The following ZNF384 variants were observed in gnomAD, a reference collection of about 807,000 sequenced individuals.
ZNF384 encodes CAG repeat protein 1.
A neutral mutation model predicts 65.0 loss-of-function variants in ZNF384; 20 were observed. That is an observed-to-expected ratio of 0.31 (90% CI 0.22 to 0.45). The LOEUF (loss-of-function observed/expected upper bound fraction) is 0.45, where lower values mean the gene tolerates loss of function less well. Ranked by LOEUF, ZNF384 falls within the 20% of genes least tolerant of loss-of-function variation. The pLI is 1.00. For synonymous variants in ZNF384, 310 were observed against 303.9 expected, an observed-to-expected ratio of 1.02 and a Z score of -0.21; for missense variants, 549 against 769.4, an observed-to-expected ratio of 0.71 and a Z score of 3.39.
In ZNF384 at chr12:6,667,234, G is replaced by A. The variant is rs1277544395; in HGVS notation, c.*480C>T. 1.0e-5 allele frequency: 3 copies of A among 301,044 alleles called. No individual in the cohort carries two copies. Among genetic ancestry groups the A allele is most frequent in the Non-Finnish European group, 1.9e-5 (3 of 157,718 alleles). 18.6% of individuals were successfully genotyped at this position (301,044 alleles called of 1,614,324 possible). On this transcript the variant is annotated 3_prime_UTR_variant, in exon 12 of 12. Transcript: ENST00000683879. Reference sequence around the variant, plus strand: ...GGGGAAGAAATGGCTCTCAGGGACTGAGGCATTTGAGAAACCTCTGTTCTT... The same window carrying A: ...GGGGAAGAAATGGCTCTCAGGGACTAAGGCATTTGAGAAACCTCTGTTCTT...
intron 11 of ZNF384, among the ~76,000 whole-genome samples, chr12:6,668,713 G>GAAA (rs1201085098): frequency 1.2e-4 from 9 of 73,364 alleles, no homozygotes; most frequent in East Asian, 7.3e-4. Flanking sequence ...GTCTCAAAAA[G>GAAA]AAAAAAAAAA....
Position 6,673,019 on chromosome 12 carries a change from G to C in ZNF384, c.1004+197C>G. 1.7e-6 allele frequency: 1 copy of C among 598,152 alleles called. No individual in the cohort carries two copies. Among genetic ancestry groups the C allele is most frequent in the Middle Eastern group, 4.6e-4 (1 of 2,170 alleles). 37.1% of individuals were successfully genotyped at this position (598,152 alleles called of 1,614,324 possible). On this transcript the variant is annotated intron_variant, in intron 8 of 11. Transcript: ENST00000683879. This position sits in a 1 kb window ranked among gnomAD's most constrained non-coding sequence, Gnocchi z 4.7. ...ACCACAAAAATTGTTCCAGACTTTG[G>C]AATTGGAGACCACAATTTTCAAGGC... is the stretch of plus-strand genomic sequence containing the variant.
chr12:6,679,573 A>G, intron 2 of ZNF384, 48 bp from the exon 3 acceptor site: 1 of 1,489,136 alleles, frequency 6.7e-7, no homozygotes, highest in Non-Finnish European at 9.3e-7. Context: ...TTACTCAGAA[A>G]AAGCTAAGCA....
intron 2 of ZNF384, 81 bp from the exon 3 acceptor site, chr12:6,679,606 T>G: frequency 2.7e-6 from 3 of 1,115,806 alleles, no homozygotes; most frequent in Non-Finnish European, 2.7e-6. Flanking sequence ...AACTGAAGAG[T>G]TCCTGGTCTC....
rs1429837549 is a variant in ZNF384, at chr12:6,667,825, T to TG, written c.1715dup (p.Pro573ThrfsTer6). On this transcript the variant is annotated frameshift_variant, in exon 12 of 12. Coordinates refer to ENST00000683879, the MANE Select transcript of ZNF384 (RefSeq NM_001385745.1). LOFTEE classifies it high-confidence loss of function. The stretch of plus-strand genomic sequence containing the variant: ...GGGTCAGGTCAAAGGAACACTGGGG[T>TG]GGAGGGTTGGGATTGCTGTCCCCAC... 6.2e-7 allele frequency: 1 copy of TG among 1,613,718 alleles called. No homozygotes were observed. The highest frequency in any genetic ancestry group is 1.3e-5 in the African/African-American group (1 of 74,812).
chr12:6,687,268 T>C (rs1958259297), intron 2 of ZNF384, among the ~76,000 whole-genome samples: 1 of 152,148 alleles, frequency 6.6e-6, no homozygotes, highest in Non-Finnish European at 1.5e-5. Flanking sequence ...ACCACACAGC[T>C]GGCAACCTGG....
intron 3 of ZNF384, 115 bp downstream of exon 3, chr12:6,679,340 G>A (rs1954979804): frequency 8.0e-7 from 1 of 1,242,756 alleles, no homozygotes; most frequent in African/African-American, 1.5e-5. Context: ...AGAAACACTA[G>A]ATAATTCTCA....
At chr12:6,685,072 A>C (rs534445916) in intron 2 of ZNF384, among the ~76,000 whole-genome samples, 1 of 152,272 alleles carries the variant, frequency 6.6e-6, no homozygotes, top group African/African-American at 2.4e-5. Context: ...TATTTAAAGA[A>C]AGTACTTTGG....
Position 6,666,633 on chromosome 12 carries a change from T to A in ZNF384, c.*1081A>T, listed in dbSNP as rs1312688940. ...CCTTTCCTCTGAAATCTGCCATGAT[T>A]TAAAAAAAAAAAAAAAAGACAAAAA... On this transcript the variant is annotated 3_prime_UTR_variant, in exon 12 of 12. Coordinates refer to ENST00000683879, the MANE Select transcript of ZNF384 (RefSeq NM_001385745.1). 4 of 159,236 alleles carry A rather than the reference T, an allele frequency of 2.5e-5. No individual in the cohort carries two copies. Among genetic ancestry groups the A allele is most frequent in the Non-Finnish European group, 5.3e-5 (4 of 74,804 alleles). 9.9% of individuals were successfully genotyped at this position (159,236 alleles called of 1,614,324 possible). A position where few individuals can be genotyped will look rare whatever the true frequency, so the allele number is the denominator to read the frequency against.
chr12:6,674,629 G>A (rs1024098840), intron 7 of ZNF384, among the ~76,000 whole-genome samples: 1 of 152,216 alleles, frequency 6.6e-6, no homozygotes, highest in Non-Finnish European at 1.5e-5. Flanking sequence ...GCAGGAGAGA[G>A]GGGGAGGCTC....
rs894409198 is a variant in ZNF384 at position 6,677,191 on chromosome 12, G to T, written c.755C>A (p.Thr252Asn). The T allele has an allele frequency of 5.0e-6, 6 of 1,211,778 alleles. No homozygotes were observed. The highest frequency in any genetic ancestry group is 4.6e-5 in the Admixed American group (2 of 43,726). The allele number at this position is 1,211,778 out of a possible 1,614,324, so 75.1% of individuals were successfully genotyped here. The change falls in exon 7 of 12, where the codon ACC becomes AAC. Residue 252 changes from threonine (T) to asparagine (N), a missense_variant. Transcript: ENST00000683879. ...CCCAGGGTCACACAGCAAATTCGTG[G>T]TGGAGCCGGGAACTGAATCCATGAG... ...LGLMDSVPGS[T>N]TNLLCDPGCR...
chr12:6,681,203 C>T (rs896553231), intron 2 of ZNF384, among the ~76,000 whole-genome samples: 7 of 147,162 alleles, frequency 4.8e-5, no homozygotes, highest in South Asian at 4.3e-4. Flanking sequence ...AAGAGTGAAA[C>T]GCCATCTCAA....
At position 6,680,647 on chromosome 12, in the gene ZNF384, C is replaced by CAAA. The variant is rs566727946; in HGVS notation, c.-5-1125_-5-1123dup. Reference sequence around the variant, plus strand: ...GCGGAACAAGAGCAAAATTCCGTCTCAAAAAAAAAAAAAAAATCAGAATCA... The same window carrying CAAA: ...GCGGAACAAGAGCAAAATTCCGTCTCAAAAAAAAAAAAAAAAAAATCAGAATCA... On this transcript the variant is annotated intron_variant, in intron 2 of 11. Transcript: ENST00000683879. Among the ~76,000 whole-genome samples the CAAA allele has an allele frequency of 7.1e-3, 732 of 103,320 alleles. 5 individuals are homozygous for CAAA. The highest frequency in any genetic ancestry group is 0.025 in the Middle Eastern group (5 of 204). 67.8% of individuals were successfully genotyped at this position (103,320 alleles called of 152,430 possible).
chr12:6,680,861 T>C (rs983623102), intron 2 of ZNF384, among the ~76,000 whole-genome samples: 5 of 152,046 alleles, frequency 3.3e-5, no homozygotes, highest in African/African-American at 1.2e-4. Flanking sequence ...GGATGCAGAA[T>C]AGGCATGATA....
chr12:6,683,645 G>A (rs998390237), intron 2 of ZNF384, among the ~76,000 whole-genome samples: 2 of 134,472 alleles, frequency 1.5e-5, no homozygotes, highest in East Asian at 4.4e-4. Context: ...CTGGGTGACA[G>A]AGCAAGACCC....
chr12:6,682,820 C>G (rs1592411976), intron 2 of ZNF384, among the ~76,000 whole-genome samples: 1 of 152,196 alleles, frequency 6.6e-6, no homozygotes, highest in East Asian at 1.9e-4. Context: ...ACTTTATCAC[C>G]TAAGACACAA....
intron 2 of ZNF384, among the ~76,000 whole-genome samples, chr12:6,681,123 G>T (rs1955760065): frequency 6.6e-6 from 1 of 151,566 alleles, no homozygotes; most frequent in Non-Finnish European, 1.5e-5. Flanking sequence ...GGAGGCTGAG[G>T]CAAGAGAATT....
At chr12:6,682,010 G>A (rs114024779) in intron 2 of ZNF384, among the ~76,000 whole-genome samples, 143 of 152,034 alleles carry the variant, frequency 9.4e-4, no homozygotes, top group African/African-American at 3.3e-3. Context: ...GGGGTCTTAC[G>A]GCTGAGTGTG....
rs1451404387 is a variant in ZNF384, at chr12:6,678,664, C to T, written c.351G>A (p.Arg117=). The T allele has an allele frequency of 8.7e-6, 14 of 1,613,760 alleles. No individual in the cohort carries two copies. The highest frequency in any genetic ancestry group is 1.1e-5 in the Non-Finnish European group (13 of 1,179,896). The part of the protein sequence containing the change: ...QRWRREGSQS[R]GPGLVITSPS... ...CCCCCTGGTAACAGTGAGATTTACC[C>T]CTTGATTGACTCCCTTCTCTTCTCC... Residue 117 remains arginine (R), a splice_region_variant and synonymous_variant, in exon 5 of 12, where the codon AGG becomes AGA. Transcript: ENST00000683879. The surrounding 1 kb of genome is among the most constrained non-coding windows in gnomAD (Gnocchi z 4.9).
Sources: gnomAD v4.1 joint callset for allele counts (sites outside exome capture counted in the v4.1 genomes callset) on GRCh38, gnomAD v4.1.1 for gene constraint, Gnocchi (gnomAD v3.1) non-coding constraint, MANE v1.5 for transcripts, NCBI Gene and HGNC (gene_info 2026-07-23, HGNC 2026-07-21) for gene names.